MDGA2: variants seen among roughly 807,000 people sequenced by gnomAD.
The protein encoded by MDGA2 is MAM domain-containing glycosylphosphatidylinositol anchor protein 2.
In MDGA2, 40 loss-of-function variants were observed where a neutral mutation model predicts 117.8. The ratio of observed to expected loss-of-function variants is 0.34; its 90% CI spans 0.26 to 0.44. MDGA2 has a LOEUF of 0.44. Among genes scored for constraint, MDGA2 ranks in the 20% least tolerant of loss-of-function variants. MDGA2 has a pLI of 1.00. For missense variants in MDGA2, 1,123 were observed against 1,250.6 expected (o/e 0.90, Z 1.54); for synonymous variants, 452 against 439.0 (o/e 1.03, Z -0.37).
intron 2 of MDGA2, among the ~76,000 whole-genome samples, chr14:47,270,575 A>G (rs1357912281): frequency 6.6e-6 from 1 of 152,152 alleles, no homozygotes; most frequent in Non-Finnish European, 1.5e-5. Context: ...TTCTTGGTTT[A>G]TGTGTGGCTC....
chr14:46,920,098 G>A lies in MDGA2; in HGVS notation c.2152C>T (p.Arg718Cys), dbSNP rs1014912437. 1.9e-6 allele frequency: 3 copies of A among 1,611,314 alleles called. No individual in the cohort carries two copies. The highest frequency in any genetic ancestry group is 2.5e-6 in the Non-Finnish European group (3 of 1,178,756). Residue 718 changes from arginine (R) to cysteine (C), a missense_variant, in exon 10 of 17, where the codon CGT becomes TGT. By Grantham distance (180) the Arg-to-Cys change is radical. Around this residue, in one of 2 missense-constraint regions of MDGA2, gnomAD observed 890 missense variants for 1,050.3 expected, o/e 0.85. Transcript: ENST00000399232. ...CACTGTAGACTGTAAGAATAAACAC[G>A]GTGTCTGTTCTGCCATACTGGATTG... ...TYNPVWQNRH[R>C]VYSYSLQWTQ...
intron 9 of MDGA2, among the ~76,000 whole-genome samples, chr14:46,930,137 G>A (rs1289001921): frequency 6.6e-6 from 1 of 151,770 alleles, no homozygotes; most frequent in Non-Finnish European, 1.5e-5. Context: ...AAAAGATTGA[G>A]AAGTTCAATA....
intron 8 of MDGA2, among the ~76,000 whole-genome samples, chr14:46,966,147 T>G (rs961233733): frequency 6.6e-6 from 1 of 152,178 alleles, no homozygotes; most frequent in Non-Finnish European, 1.5e-5. Flanking sequence ...GATACTGTGT[T>G]AAGATATTCA....
chr14:46,860,141 T>C (rs1001152835), intron 14 of MDGA2, among the ~76,000 whole-genome samples: 1 of 152,104 alleles, frequency 6.6e-6, no homozygotes, highest in South Asian at 2.1e-4. Flanking sequence ...CTGCATTCTT[T>C]ATATCACAGC....
At chr14:47,386,261 C>T (rs55790291) in intron 1 of MDGA2, among the ~76,000 whole-genome samples, 39,862 of 151,908 alleles carry the variant, frequency 0.26, 5,571 homozygotes, top group Middle Eastern at 0.41. Context: ...GTGTGCGCAA[C>T]AAGAGCAAAA....
chr14:47,642,665 C>G (rs1308641911), intron 1 of MDGA2, among the ~76,000 whole-genome samples: 6 of 150,552 alleles, frequency 4.0e-5, no homozygotes, highest in Non-Finnish European at 7.4e-5. Flanking sequence ...ATCTATCTAT[C>G]TATTTATCAT....
intron 10 of MDGA2, among the ~76,000 whole-genome samples, chr14:46,918,743 T>G (rs577641297): frequency 7.7e-5 from 11 of 142,204 alleles, no homozygotes; most frequent in Non-Finnish European, 1.3e-4. Flanking sequence ...AATAAGAATA[T>G]GCTACATACA....
At chr14:46,935,676 A>G (rs1369595929) in intron 9 of MDGA2, among the ~76,000 whole-genome samples, 2 of 152,082 alleles carry the variant, frequency 1.3e-5, no homozygotes, top group Non-Finnish European at 2.9e-5. Flanking sequence ...TCCATCTTCC[A>G]CCAGTCCATG....
chr14:47,583,361 C>T (rs189675791), intron 1 of MDGA2, among the ~76,000 whole-genome samples: 174 of 151,928 alleles, frequency 1.1e-3, no homozygotes, highest in African/African-American at 4.0e-3. Context: ...TTTGCAACTC[C>T]TGATTTAAAT....
intron 14 of MDGA2, among the ~76,000 whole-genome samples, chr14:46,856,438 C>A (rs371861677): frequency 1.1e-3 from 160 of 152,158 alleles, no homozygotes; most frequent in Middle Eastern, 6.8e-3. Context: ...AATTTTCTCA[C>A]TTTCCTCTGT....
At chr14:47,304,553 A>C (rs969911608) in intron 1 of MDGA2, among the ~76,000 whole-genome samples, 1 of 152,152 alleles carries the variant, frequency 6.6e-6, no homozygotes, top group Non-Finnish European at 1.5e-5. Flanking sequence ...ACCAAACTTC[A>C]CAATAGAATG....
At chr14:47,390,687 A>G (rs1891874574) in intron 1 of MDGA2, among the ~76,000 whole-genome samples, 1 of 152,180 alleles carries the variant, frequency 6.6e-6, no homozygotes, top group Non-Finnish European at 1.5e-5. Flanking sequence ...TCTGTGATGC[A>G]GGTTACATTC....
At chr14:47,205,451 T>C (rs1360850228) in intron 3 of MDGA2, among the ~76,000 whole-genome samples, 2 of 152,052 alleles carry the variant, frequency 1.3e-5, no homozygotes, top group Admixed American at 6.6e-5. Context: ...TGGTACATTA[T>C]TAAAATTATT....
At chr14:47,580,951 A>G (rs995828407) in intron 1 of MDGA2, among the ~76,000 whole-genome samples, 2 of 152,056 alleles carry the variant, frequency 1.3e-5, no homozygotes, top group African/African-American at 4.8e-5. Context: ...TTTAGAAAAG[A>G]AAAATGATTG....
Position 46,996,151 on chromosome 14 carries a change from T to G in MDGA2, c.1820-38508A>C, listed in dbSNP as rs746859105. On this transcript the variant is annotated intron_variant, in intron 8 of 16. Transcript: ENST00000399232. Reference sequence around the variant, plus strand: ...TATTTTTATAGGTTTTAGGAAAAGCTTTTTATTGTCTAAGTTTTGCCATTG... The same window carrying G: ...TATTTTTATAGGTTTTAGGAAAAGCGTTTTATTGTCTAAGTTTTGCCATTG... 6.6e-5 allele frequency among the ~76,000 whole-genome samples: 10 copies of G among 152,282 alleles called. No individual in the cohort carries two copies. The East Asian group carries it at 1.9e-3, about 29-fold the overall frequency.
chr14:46,862,104 C>A (rs911555907), intron 14 of MDGA2, among the ~76,000 whole-genome samples: 2 of 151,932 alleles, frequency 1.3e-5, no homozygotes, highest in Admixed American at 6.6e-5. Context: ...TAAATTTAAT[C>A]ATCTCCAAGG....
intron 5 of MDGA2, among the ~76,000 whole-genome samples, chr14:47,123,973 T>C (rs367783899): frequency 1.3e-5 from 2 of 152,126 alleles, no homozygotes; most frequent in African/African-American, 4.8e-5. Context: ...TTAAAACTTA[T>C]GCAAAAGAGT....
intron 1 of MDGA2, among the ~76,000 whole-genome samples, chr14:47,455,198 T>C (rs1298480773): frequency 2.0e-5 from 3 of 152,158 alleles, no homozygotes; most frequent in African/African-American, 7.2e-5. Flanking sequence ...TGGATATATA[T>C]TATCTAGTTT....
intron 1 of MDGA2, among the ~76,000 whole-genome samples, chr14:47,588,607 C>A (rs1896377623): frequency 1.3e-5 from 2 of 151,710 alleles, no homozygotes; most frequent in East Asian, 1.9e-4. Context: ...TTTTAAAGTT[C>A]TTTATATTTT....
Sources: gnomAD v4.1 joint callset for allele counts (sites outside exome capture counted in the v4.1 genomes callset) on GRCh38, gnomAD v4.1.1 for gene constraint, gnomAD v4.1.1 regional missense constraint, MANE v1.5 for transcripts, NCBI Gene and HGNC (gene_info 2026-07-23, HGNC 2026-07-21) for gene names.